The following NCKIPSD variants were observed in gnomAD, a reference collection of about 807,000 sequenced individuals.
NCKIPSD encodes the protein NCK interacting protein with SH3 domain, also known as NCK-interacting protein with SH3 domain.
NCKIPSD carries 48 observed loss-of-function variants against 73.4 expected under a neutral mutation model. The observed-to-expected ratio is 0.65, with a 90% confidence interval of 0.52 to 0.83. The LOEUF is 0.83. NCKIPSD is among the 40% of genes least tolerant of loss of function. The probability of loss-of-function intolerance (pLI) is 0.00; values close to 1 mark genes in which losing one functional copy is unlikely to be tolerated. For synonymous variants in NCKIPSD, 422 were observed against 403.6 expected (o/e 1.05, Z -0.54); for missense variants, 884 against 970.2 (o/e 0.91, Z 1.18).
Position 48,675,509 on chromosome 3 carries a change from C to T in NCKIPSD, c.1966-762G>A, listed in dbSNP as rs1225793995. ...GCCCTTATGATCTATATATATATAT[C>T]ATATATATATATATATATGATATAT... On this transcript the variant is annotated intron_variant, in intron 12 of 12. Coordinates refer to ENST00000294129, the MANE Select transcript of NCKIPSD (RefSeq NM_016453.4). Among the ~76,000 whole-genome samples, 6 of 110,438 alleles carry T rather than the reference C, an allele frequency of 5.4e-5. No individual in the cohort carries two copies. In the South Asian group the frequency reaches 9.1e-4, roughly 17 times the overall value. The allele number at this position is 110,438 out of a possible 152,430, so 72.5% of individuals were successfully genotyped here. A position where few individuals can be genotyped will look rare whatever the true frequency, so the allele number is the denominator to read the frequency against.
intron 1 of NCKIPSD, among the ~76,000 whole-genome samples, chr3:48,684,137 C>T (rs142767493): frequency 3.6e-4 from 55 of 151,998 alleles, no homozygotes; most frequent in Admixed American, 2.2e-3. Flanking sequence ...TGGGGGGAGC[C>T]GGAGGAAGAA....
intron 12 of NCKIPSD, among the ~76,000 whole-genome samples, chr3:48,675,731 A>G (rs1488294899): frequency 6.6e-6 from 1 of 151,554 alleles, no homozygotes; most frequent in African/African-American, 2.4e-5. Context: ...TTTTAAGAAG[A>G]GACGGGGTTT....
intron 5 of NCKIPSD, 110 bp from the exon 6 acceptor site, chr3:48,680,339 A>T: frequency 1.4e-5 from 17 of 1,257,428 alleles, no homozygotes; most frequent in Non-Finnish European, 1.8e-5. Flanking sequence ...CATGAACTCA[A>T]GTCCCTCCTG....
At position 48,679,136 on chromosome 3, in the gene NCKIPSD, C is replaced by G; in HGVS notation, c.1618G>C (p.Asp540His). The change falls in exon 10 of 13, where the codon GAT becomes CAT. Residue 540 changes from aspartate to histidine, a missense_variant. Asp to His is a moderately conservative substitution (Grantham distance 81, BLOSUM62 -1). Transcript: ENST00000294129. Reference protein sequence around the residue: ...FAQFLLNIVEDGLPLDTTEQL... With the variant: ...FAQFLLNIVEHGLPLDTTEQL... ...TCTGTGGTGTCCAAGGGCAGCCCAT[C>G]CTCGACGATGTTCAGTAGGAACTGG... 6.2e-7 allele frequency: 1 copy of G among 1,614,142 alleles called. No individual in the cohort carries two copies. The highest frequency in any genetic ancestry group is 8.5e-7 in the Non-Finnish European group (1 of 1,180,020).
At chr3:48,684,556 T>C (rs2077405926) in intron 1 of NCKIPSD, among the ~76,000 whole-genome samples, 1 of 152,186 alleles carries the variant, frequency 6.6e-6, no homozygotes, top group South Asian at 2.1e-4. Context: ...TCCAAATTTA[T>C]CCCGTTATTT....
chr3:48,683,119 C>G, intron 1 of NCKIPSD, 107 bp from the exon 2 acceptor site: 6 of 1,527,924 alleles, frequency 3.9e-6, no homozygotes, highest in Non-Finnish European at 5.3e-6. Flanking sequence ...ATAGCGAAAG[C>G]CTGGAATGCT....
intron 2 of NCKIPSD, 77 bp downstream of exon 2, chr3:48,682,826 G>A (rs2077377424): frequency 1.3e-6 from 2 of 1,502,164 alleles, no homozygotes; most frequent in African/African-American, 1.4e-5. Flanking sequence ...AGGCCCACCT[G>A]CCCCATGACA....
rs2077330667 is a variant in NCKIPSD at position 48,680,333 on chromosome 3, A to ACTTTT, written c.1093-105_1093-104insAAAAG. The ACTTTT allele has an allele frequency of 3.1e-6, 4 of 1,294,990 alleles. No individual in the cohort carries two copies. The Admixed American group carries it at 1.2e-4, about 38-fold the overall frequency. 80.2% of individuals were successfully genotyped at this position (1,294,990 alleles called of 1,614,324 possible). ...TCCATCTGTGGACTTTTACTCCATG[A>ACTTTT]ACTCAAGTCCCTCCTGGCCCACACT... On this transcript the variant is annotated intron_variant, in intron 5 of 12. Coordinates refer to ENST00000294129, the MANE Select transcript of NCKIPSD (RefSeq NM_016453.4).
rs1306039475 is a variant in NCKIPSD at position 48,674,237 on chromosome 3, C to T, written c.*307G>A. 6.3e-6 allele frequency: 8 copies of T among 1,268,502 alleles called. No individual in the cohort carries two copies. The highest frequency in any genetic ancestry group is 6.8e-5 in the Admixed American group (2 of 29,276). 78.6% of individuals were successfully genotyped at this position (1,268,502 alleles called of 1,614,324 possible). The stretch of plus-strand genomic sequence containing the variant: ...GATGGGGGTCTGGTCCAGCCTGGAG[C>T]GGCAGCAGGACTCTGAGTGTACACA... On this transcript the variant is annotated 3_prime_UTR_variant, in exon 13 of 13. Coordinates refer to ENST00000294129, the MANE Select transcript of NCKIPSD (RefSeq NM_016453.4).
chr3:48,674,440 C>T lies in NCKIPSD; in HGVS notation c.*104G>A. 1 of 1,485,690 alleles carries T rather than the reference C, an allele frequency of 6.7e-7. No homozygotes were observed. Among genetic ancestry groups the T allele is most frequent in the Non-Finnish European group, 9.0e-7 (1 of 1,116,988 alleles). The allele number at this position is 1,485,690 out of a possible 1,614,324, so 92.0% of individuals were successfully genotyped here. A position where few individuals can be genotyped will look rare whatever the true frequency, so the allele number is the denominator to read the frequency against. ...GGGGGTCCTGCTCAGGTTCCTTCTG[C>T]CACCTTATCCCCTCCCACTGTCAGT... On this transcript the variant is annotated 3_prime_UTR_variant, in exon 13 of 13. Coordinates refer to ENST00000294129, the MANE Select transcript of NCKIPSD (RefSeq NM_016453.4).
intron 1 of NCKIPSD, among the ~76,000 whole-genome samples, chr3:48,683,979 GACACACACACACACACAC>G (rs545029045): frequency 3.7e-4 from 48 of 131,190 alleles, no homozygotes; most frequent in South Asian, 1.3e-3. Flanking sequence ...AAGACATGAA[GACACACACACACACACAC>G]ACACACACAC....
rs1230288345 is a variant in NCKIPSD at position 48,681,798 on chromosome 3, A to G, written c.599-18T>C. 2.7e-6 allele frequency: 4 copies of G among 1,476,184 alleles called. No individual in the cohort carries two copies. The Admixed American group carries it at 7.8e-5, about 29-fold the overall frequency. 91.4% of individuals were successfully genotyped at this position (1,476,184 alleles called of 1,614,324 possible). ...GTGGCCACCTGCGAGCAGTGAGTAG[A>G]AGCTGGGCCAGGGCAGCCCCCTGGA... On this transcript the variant is annotated intron_variant, in intron 4 of 12. Transcript: ENST00000294129.
At position 48,680,020 on chromosome 3, in the gene NCKIPSD, T is replaced by A. The variant is rs781355682; in HGVS notation, c.1263+39A>T. ...GGATGCTACAGGGTGGGGGCCACTG[T>A]TCCCCATGTGGGGTATGTGTGTGGG... is the stretch of plus-strand genomic sequence containing the variant. On this transcript the variant is annotated intron_variant, in intron 6 of 12. Transcript: ENST00000294129. 6.2e-6 allele frequency: 10 copies of A among 1,603,028 alleles called. No homozygotes were observed. The South Asian group carries it at 1.0e-4, about 16-fold the overall frequency.
At chr3:48,682,210 G>A (rs944576446) in intron 3 of NCKIPSD, 54 bp from the exon 4 acceptor site, 49 of 1,568,018 alleles carry the variant, frequency 3.1e-5, no homozygotes, top group Middle Eastern at 3.4e-4. Context: ...GAGCGTCAGC[G>A]AGGCTCGGGC....
rs1425494129 is a variant in NCKIPSD, at chr3:48,682,994, G to A, written c.190C>T (p.Leu64Phe). The change falls in exon 2 of 13, where the codon CTC (leucine) becomes TTC (phenylalanine). Residue 64 changes from leucine (L) to phenylalanine (F), a missense_variant. Leu to Phe is a conservative substitution (Grantham distance 22). Coordinates refer to ENST00000294129, the MANE Select transcript of NCKIPSD (RefSeq NM_016453.4). Reference protein sequence around the residue: ...RRLQGLEQDVLQAIDRAIEAV... With the variant: ...RRLQGLEQDVFQAIDRAIEAV... ...TCGATGGCCCGGTCAATGGCCTGGA[G>A]GACATCCTGCTCCAGGCCCTGGGGG... 6.4e-7 allele frequency: 1 copy of A among 1,550,714 alleles called. No individual in the cohort carries two copies. The highest frequency in any genetic ancestry group is 1.2e-5 in the South Asian group (1 of 84,038).
At chr3:48,684,733 G>C (rs932625086) in intron 1 of NCKIPSD, among the ~76,000 whole-genome samples, 1 of 152,192 alleles carries the variant, frequency 6.6e-6, no homozygotes, top group Non-Finnish European at 1.5e-5. Context: ...CTACTCTTAG[G>C]GAAACAGGAA....
At position 48,685,902 on chromosome 3, in the gene NCKIPSD, C is replaced by G; in HGVS notation, c.-95G>C. 1.7e-6 allele frequency: 2 copies of G among 1,205,924 alleles called. No homozygotes were observed. The highest frequency in any genetic ancestry group is 2.1e-6 in the Non-Finnish European group (2 of 933,402). 74.7% of individuals were successfully genotyped at this position (1,205,924 alleles called of 1,614,324 possible). ...CGAGCCGCGCCGCGGTTGTCCCGCC[C>G]CGTGACACACTACGCAGGCGCGCGC... On this transcript the variant is annotated 5_prime_UTR_variant, in exon 1 of 13. Coordinates refer to ENST00000294129, the MANE Select transcript of NCKIPSD (RefSeq NM_016453.4).
At chr3:48,684,640 A>C (rs1291393533) in intron 1 of NCKIPSD, among the ~76,000 whole-genome samples, 1 of 152,220 alleles carries the variant, frequency 6.6e-6, no homozygotes. Context: ...TGTCTGGCAC[A>C]GGCCCGGCAG....
At chr3:48,674,863 C>G in intron 12 of NCKIPSD, 116 bp from the exon 13 acceptor site, 1 of 1,028,156 alleles carries the variant, frequency 9.7e-7, no homozygotes, top group Non-Finnish European at 1.4e-6. Flanking sequence ...AACATCAGGG[C>G]TGCATCCCCA....
Sources: allele counts gnomAD v4.1 joint callset (sites outside exome capture counted in the v4.1 genomes callset), GRCh38; gene constraint gnomAD v4.1.1; transcripts MANE v1.5; gene names NCBI Gene and HGNC (gene_info 2026-07-23, HGNC 2026-07-21).